Variants in COL4A5 observed in about 807,000 individuals in gnomAD.
COL4A5 encodes collagen alpha-5(IV) chain.
COL4A5 carries 26 observed loss-of-function variants against 130.2 expected under a neutral mutation model. The ratio of observed to expected loss-of-function variants is 0.20; its 90% CI spans 0.15 to 0.28. COL4A5 has a LOEUF of 0.28. COL4A5 is among the 10% of genes least tolerant of loss of function. COL4A5 has a pLI of 1.00. For missense variants in COL4A5, 1,131 were observed against 1,344.3 expected (o/e 0.84, Z 2.48); for synonymous variants, 496 against 439.6 (o/e 1.13, Z -1.60).
chrX:108,572,682 C>A (rs1207412078), intron 8 of COL4A5, among the ~76,000 whole-genome samples: 1 of 111,649 alleles, frequency 9.0e-6, no homozygotes, highest in Non-Finnish European at 1.9e-5. Flanking sequence ...AGTCTCTAGT[C>A]TCTTTTTTTC....
intron 36 of COL4A5, among the ~76,000 whole-genome samples, chrX:108,647,867 A>T (rs1321110142): frequency 5.4e-5 from 6 of 111,642 alleles, no homozygotes; most frequent in Non-Finnish European, 1.1e-4. Context: ...GGTTCTGTTT[A>T]TATGCTGGAT....
At chrX:108,679,000 C>A (rs1243193454) in intron 44 of COL4A5, among the ~76,000 whole-genome samples, 2 of 111,215 alleles carry the variant, frequency 1.8e-5, no homozygotes, top group Non-Finnish European at 3.8e-5. Flanking sequence ...TCCTTTTTTG[C>A]CTGATGTTTA....
chrX:108,683,816 A>G (rs1207200553), intron 47 of COL4A5, among the ~76,000 whole-genome samples: 1 of 111,743 alleles, frequency 8.9e-6, no homozygotes, highest in Non-Finnish European at 1.9e-5. Context: ...TTTTCTAAAT[A>G]TAGAATCATG....
intron 1 of COL4A5, among the ~76,000 whole-genome samples, chrX:108,527,910 G>A (rs1260552865): frequency 1.8e-5 from 2 of 111,479 alleles, no homozygotes; most frequent in African/African-American, 6.5e-5. Context: ...TACTATCAAC[G>A]TCAGTGCACA....
chrX:108,585,895 A>G (rs965379416), intron 18 of COL4A5, among the ~76,000 whole-genome samples: 1 of 110,994 alleles, frequency 9.0e-6, no homozygotes, highest in African/African-American at 3.3e-5. Context: ...AGGAAGAAAT[A>G]AATGTGGGTT....
chrX:108,590,967 A>G (rs1354291560), intron 19 of COL4A5, 91 bp from the exon 20 acceptor site: 14 of 844,199 alleles, frequency 1.7e-5, no homozygotes, highest in Non-Finnish European at 2.4e-5. Context: ...TTATATGTTA[A>G]AGGAAGATCT....
chrX:108,460,121 C>G (rs1261303467), intron 1 of COL4A5, among the ~76,000 whole-genome samples: 1 of 111,681 alleles, frequency 9.0e-6, no homozygotes, highest in East Asian at 2.8e-4. Flanking sequence ...AATTTAGTTT[C>G]AGGAAGGCTT....
At chrX:108,517,755 T>C (rs1368737718) in intron 1 of COL4A5, among the ~76,000 whole-genome samples, 1 of 111,905 alleles carries the variant, frequency 8.9e-6, no homozygotes, top group Non-Finnish European at 1.9e-5. Context: ...TTCAAAACTT[T>C]GGGAATGCAT....
intron 1 of COL4A5, among the ~76,000 whole-genome samples, chrX:108,510,728 T>C (rs937836896): frequency 1.8e-5 from 2 of 111,836 alleles, no homozygotes; most frequent in African/African-American, 6.5e-5. Context: ...ATATTTTGCC[T>C]TTGTGATACC....
chrX:108,566,796 G>A (rs1041606121), intron 4 of COL4A5, among the ~76,000 whole-genome samples: 1 of 110,819 alleles, frequency 9.0e-6, no homozygotes, highest in African/African-American at 3.3e-5. Flanking sequence ...TGATCCACCC[G>A]CCTCGGCCTC....
chrX:108,482,696 G>A (rs1195523597), intron 1 of COL4A5, among the ~76,000 whole-genome samples: 1 of 111,536 alleles, frequency 9.0e-6, no homozygotes, highest in Non-Finnish European at 1.9e-5. Context: ...TCACATAAGA[G>A]CTTGTGTATG....
intron 36 of COL4A5, among the ~76,000 whole-genome samples, chrX:108,632,593 G>A (rs1048317152): frequency 9.0e-6 from 1 of 111,289 alleles, no homozygotes; most frequent in Non-Finnish European, 1.9e-5. Context: ...TAAAATACTG[G>A]CAAACTGAAT....
At chrX:108,672,488 T>G (rs2068224479) in intron 42 of COL4A5, among the ~76,000 whole-genome samples, 1 of 112,382 alleles carries the variant, frequency 8.9e-6, no homozygotes, top group African/African-American at 3.2e-5. Context: ...CAACCTTAAG[T>G]GGAAACTGAA....
rs1270497316 is a variant in COL4A5, at chrX:108,559,081, A to G, written c.159A>G (p.Pro53=). The part of the protein sequence containing the change: ...IKGEKGERGF[P]GLEGHPGLPG... ...AATTGCAGGGAGAGAGAGGGTTTCC[A>G]GGTTTGGAAGGACACCCAGGATTGC... is the stretch of plus-strand genomic sequence containing the variant. Residue 53 remains proline, a synonymous_variant, in exon 3 of 53, where the codon CCA becomes CCG. Transcript: ENST00000328300. The G allele has an allele frequency of 4.1e-6, 5 of 1,209,632 alleles. No homozygotes were observed. Among genetic ancestry groups the G allele is most frequent in the East Asian group, 3.0e-5 (1 of 33,834 alleles).
chrX:108,662,153 G>A (rs1057427301), intron 37 of COL4A5, among the ~76,000 whole-genome samples: 31 of 92,015 alleles, frequency 3.4e-4, no homozygotes, highest in African/African-American at 1.1e-3. Flanking sequence ...AATTCCCACC[G>A]ATAGACTAGA....
At chrX:108,591,337 T>A in intron 20 of COL4A5, 106 bp downstream of exon 20, 1 of 803,667 alleles carries the variant, frequency 1.2e-6, no homozygotes, top group Non-Finnish European at 1.8e-6. Context: ...TTCTGATATC[T>A]AAGAAATTCT....
Position 108,539,753 on chromosome X carries a change from A to G in COL4A5, c.89A>G (p.Tyr30Cys), listed in dbSNP as rs150305490. 189 of 1,206,228 alleles carry G rather than the reference A, an allele frequency of 1.6e-4. 2 individuals carry two copies. In the South Asian group the frequency reaches 1.7e-3, roughly 11 times the overall value. ...TCTTTCTCTTCCTTATAGGCTTGCT[A>G]TGGGTGTTCTCCAGGATCAAAGTGT... is the stretch of plus-strand genomic sequence containing the variant. Reference protein sequence around the residue: ...WGQPAEAAACYGCSPGSKCDC... With the variant: ...WGQPAEAAACCGCSPGSKCDC... The change falls in exon 2 of 53, where the codon TAT (tyrosine) becomes TGT (cysteine). Residue 30 changes from tyrosine to cysteine, a missense_variant. Tyr to Cys is a radical substitution (Grantham distance 194). Transcript: ENST00000328300.
intron 37 of COL4A5, among the ~76,000 whole-genome samples, chrX:108,664,694 A>G (rs1478655696): frequency 1.8e-5 from 2 of 112,485 alleles, no homozygotes; most frequent in East Asian, 5.5e-4. Context: ...TATGTAAAAA[A>G]CTTCAATAAC....
chrX:108,675,802 A>G (rs1444692599), intron 43 of COL4A5, among the ~76,000 whole-genome samples: 1 of 111,966 alleles, frequency 8.9e-6, no homozygotes, highest in Non-Finnish European at 1.9e-5. Flanking sequence ...GAAAATAATA[A>G]TAATTTTAAA....
Sources: allele counts gnomAD v4.1 joint callset (sites outside exome capture counted in the v4.1 genomes callset), GRCh38; gene constraint gnomAD v4.1.1; transcripts MANE v1.5; gene names NCBI Gene and HGNC (gene_info 2026-07-23, HGNC 2026-07-21).